The following BRD1 variants were observed in gnomAD, a reference collection of about 807,000 sequenced individuals.
BRD1 encodes bromodomain-containing protein 1.
In BRD1, 24 loss-of-function variants were observed where a neutral mutation model predicts 107.7. The observed-to-expected ratio is 0.22, with a 90% CI of 0.16 to 0.31. The LOEUF is 0.31. Among genes scored for constraint, BRD1 ranks in the 10% least tolerant of loss-of-function variants. The pLI is 1.00. For missense variants in BRD1, 1,279 were observed against 1,638.6 expected (o/e 0.78, Z 3.79); for synonymous variants, 744 against 686.1 (o/e 1.08, Z -1.32).
rs111621272 is a variant in BRD1, at chr22:49,800,585, C to A, written c.1525-1466G>T. 1.6e-3 allele frequency among the ~76,000 whole-genome samples: 249 copies of A among 152,300 alleles called. 1 individual carries two copies. Among genetic ancestry groups the A allele is most frequent in the African/African-American group, 5.5e-3 (227 of 41,574 alleles). ...TCCTCATCACCAGGAAGCCCTTTATCACGCACTGGCTGCTAAGCAAACTTA... is the reference window on the plus strand; with the variant it reads ...TCCTCATCACCAGGAAGCCCTTTATAACGCACTGGCTGCTAAGCAAACTTA... On this transcript the variant is annotated intron_variant, in intron 3 of 12. Transcript: ENST00000404760.
rs1224256275 is a variant in BRD1, at chr22:49,792,685, C to A, written c.2359+1349G>T. On this transcript the variant is annotated intron_variant, in intron 7 of 12. Coordinates refer to ENST00000404760, the MANE Select transcript of BRD1 (RefSeq NM_001304808.3). The surrounding 1 kb of genome is among the most constrained non-coding windows in gnomAD (Gnocchi z 4.2). ...AGTCTGGGTACTATACTATGGTGAA[C>A]TAAACAGAAGAATCCCAGAACAGAA... Among the ~76,000 whole-genome samples the A allele has an allele frequency of 1.3e-5, 2 of 152,198 alleles. No homozygotes were observed. Among genetic ancestry groups the A allele is most frequent in the African/African-American group, 4.8e-5 (2 of 41,432 alleles).
chr22:49,774,782 G>A (rs973679319), intron 12 of BRD1, among the ~76,000 whole-genome samples: 1 of 152,268 alleles, frequency 6.6e-6, no homozygotes. Flanking sequence ...GCCCTCGGAT[G>A]GACAAGGTGT....
chr22:49,826,595 G>A (rs2060150595), intron 1 of BRD1, among the ~76,000 whole-genome samples: 1 of 152,244 alleles, frequency 6.6e-6, no homozygotes, highest in South Asian at 2.1e-4. Context: ...CGCCCGCCCA[G>A]GGAGAAGCCG....
intron 2 of BRD1, among the ~76,000 whole-genome samples, chr22:49,807,490 G>A (rs143407183): frequency 1.3e-5 from 2 of 152,264 alleles, no homozygotes; most frequent in Non-Finnish European, 2.9e-5. Context: ...TGTTGACAAG[G>A]GTGCCAAGAC....
chr22:49,790,681 AGG>A (rs1440270448), intron 7 of BRD1, among the ~76,000 whole-genome samples: 10 of 152,242 alleles, frequency 6.6e-5, no homozygotes, highest in Non-Finnish European at 1.0e-4. Context: ...AGCGTAACAC[AGG>A]CAGACATTTC....
rs933255083 is a variant in BRD1, at chr22:49,777,110, G to C, written c.3045C>G (p.His1015Gln). 9.9e-6 allele frequency: 16 copies of C among 1,613,258 alleles called. No individual in the cohort carries two copies. The African/African-American group carries it at 1.2e-4, about 12-fold the overall frequency. ...GRGKPALVRR[H>Q]TLEDRSELIS... ...TCAGCTCACTGCGGTCCTCCAGCGT[G>C]TGCCGTCGCACAAGAGCCGGTTTGC... Residue 1015 changes from histidine (H) to glutamine (Q), a missense_variant, in exon 10 of 13, where the codon CAC becomes CAG. His to Gln is a conservative substitution (Grantham distance 24, BLOSUM62 0). Coordinates refer to ENST00000404760, the MANE Select transcript of BRD1 (RefSeq NM_001304808.3).
chr22:49,774,519 G>C, intron 12 of BRD1, 103 bp from the exon 13 acceptor site: 1 of 1,302,086 alleles, frequency 7.7e-7, no homozygotes, highest in Non-Finnish European at 1.1e-6. Flanking sequence ...GATAGAAAGG[G>C]GCCCTGCTCA....
Position 49,797,732 on chromosome 22 carries a change from G to A in BRD1, c.2098+73C>T, listed in dbSNP as rs1226989819. The A allele has an allele frequency of 1.8e-5, 27 of 1,460,080 alleles. No individual in the cohort carries two copies. The East Asian group carries it at 3.9e-4, about 21-fold the overall frequency. 90.4% of individuals were successfully genotyped at this position (1,460,080 alleles called of 1,614,324 possible). On this transcript the variant is annotated intron_variant, in intron 6 of 12. Transcript: ENST00000404760. ...CCCGGACCATGCTGATAGGGAGCTG[G>A]CAACACAGAGCAGGACAGAGTCTGC...
intron 1 of BRD1, among the ~76,000 whole-genome samples, chr22:49,827,027 G>A (rs2060154093): frequency 6.6e-6 from 1 of 151,948 alleles, no homozygotes; most frequent in Non-Finnish European, 1.5e-5. Context: ...CGGCTCCTGG[G>A]CGATCTCGGG....
Position 49,827,604 on chromosome 22 carries a change from A to AGGCCGGGCCCCGCC in BRD1, c.-136_-123dup, listed in dbSNP as rs2060160362. 1.4e-5 allele frequency: 2 copies of AGGCCGGGCCCCGCC among 143,990 alleles called. No homozygotes were observed. Among genetic ancestry groups the AGGCCGGGCCCCGCC allele is most frequent in the Admixed American group, 1.4e-4 (2 of 14,594 alleles). The allele number at this position is 143,990 out of a possible 1,614,324, so 8.9% of individuals were successfully genotyped here. On this transcript the variant is annotated 5_prime_UTR_variant, in exon 1 of 13. Transcript: ENST00000404760. ...GCGGCTCCTCCGCCAACGGCCGCGC[A>AGGCCGGGCCCCGCC]GGCCGGGCCCCGCCGCCGCTCCTGG...
intron 8 of BRD1, among the ~76,000 whole-genome samples, chr22:49,784,226 A>C (rs2059275374): frequency 7.5e-6 from 1 of 133,798 alleles, no homozygotes; most frequent in African/African-American, 2.9e-5. Context: ...GTGAGTGGAC[A>C]AAGACACCCC....
chr22:49,789,378 G>A (rs1306627483), intron 7 of BRD1, among the ~76,000 whole-genome samples: 1 of 152,232 alleles, frequency 6.6e-6, no homozygotes, highest in Non-Finnish European at 1.5e-5. Flanking sequence ...TGCCTGTACA[G>A]CAGCAGGAGG....
At position 49,819,463 on chromosome 22, in the gene BRD1, G is replaced by GA. The variant is rs1326912815; in HGVS notation, c.1367+3487dup. On this transcript the variant is annotated intron_variant, in intron 2 of 12. Coordinates refer to ENST00000404760, the MANE Select transcript of BRD1 (RefSeq NM_001304808.3). ...AGCTACTCAAGAGGCTGAGGTGGGG[G>GA]AGTCGCTTGAGCCCAGGAGGTCGAG... Among the ~76,000 whole-genome samples, 3 of 152,104 alleles carry GA rather than the reference G, an allele frequency of 2.0e-5. No individual in the cohort carries two copies. The East Asian group carries it at 5.8e-4, about 29-fold the overall frequency.
chr22:49,791,883 G>A (rs1283476055), intron 7 of BRD1, among the ~76,000 whole-genome samples: 1 of 152,150 alleles, frequency 6.6e-6, no homozygotes, highest in Non-Finnish European at 1.5e-5. Context: ...TGAACATTGG[G>A]TGTAACAGGT....
intron 11 of BRD1, 70 bp from the exon 12 acceptor site, chr22:49,775,815 A>ACCCCCG: frequency 1.8e-6 from 2 of 1,141,502 alleles, no homozygotes; most frequent in Middle Eastern, 3.5e-4. Flanking sequence ...TGTCACTGGC[A>ACCCCCG]CCCCCCCCCG....
chr22:49,802,706 C>T (rs2059664285), intron 3 of BRD1, among the ~76,000 whole-genome samples: 2 of 152,082 alleles, frequency 1.3e-5, no homozygotes, highest in Non-Finnish European at 2.9e-5. Flanking sequence ...GGGGCCGAGA[C>T]CAATGCCTCC....
intron 7 of BRD1, 119 bp downstream of exon 7, chr22:49,793,915 G>A (rs918159026): frequency 2.7e-5 from 38 of 1,383,120 alleles, no homozygotes; most frequent in Admixed American, 1.9e-4. Context: ...CGGAACTGGC[G>A]CTAACCTGAG....
intron 4 of BRD1, 126 bp downstream of exon 4, chr22:49,798,862 G>T: frequency 6.9e-7 from 1 of 1,445,712 alleles, no homozygotes; most frequent in Non-Finnish European, 9.1e-7. Context: ...CCCAGCCTGG[G>T]CTGAGCAAGG....
intron 2 of BRD1, among the ~76,000 whole-genome samples, chr22:49,809,188 C>CT (rs1321325077): frequency 2.0e-5 from 3 of 152,072 alleles, no homozygotes; most frequent in African/African-American, 7.2e-5. Flanking sequence ...AGTAATCCAA[C>CT]ATAAGTCAAC....
Sources: gnomAD v4.1 joint callset for allele counts (sites outside exome capture counted in the v4.1 genomes callset) on GRCh38, gnomAD v4.1.1 for gene constraint, Gnocchi (gnomAD v3.1) non-coding constraint, MANE v1.5 for transcripts, NCBI Gene and HGNC (gene_info 2026-07-23, HGNC 2026-07-21) for gene names.